Variants in ZNF175 observed in about 807,000 individuals in gnomAD.
ZNF175 encodes zinc finger protein 175, also known as zinc finger protein OTK18.
In ZNF175, 8 loss-of-function variants were observed where a neutral mutation model predicts 14.0. The observed-to-expected ratio is 0.57, with a 90% CI of 0.34 to 1.03. The LOEUF (loss-of-function observed/expected upper bound fraction) is 1.03. Ranked by LOEUF, ZNF175 falls within the 50% of genes least tolerant of loss-of-function variation. ZNF175 has a pLI of 0.03. For missense variants in ZNF175, 764 were observed against 849.5 expected, an observed-to-expected ratio of 0.90 and a Z score of 1.25; for synonymous variants, 255 against 296.8, an observed-to-expected ratio of 0.86 and a Z score of 1.45.
intron 2 of ZNF175, among the ~76,000 whole-genome samples, chr19:51,580,898 T>C (rs908167990): frequency 7.2e-5 from 11 of 152,206 alleles, no homozygotes; most frequent in African/African-American, 2.4e-4. Context: ...TACTCCTAGG[T>C]AGAATTTGCC....
At chr19:51,581,272 T>G in intron 2 of ZNF175, 119 bp from the exon 3 acceptor site, 1 of 1,413,538 alleles carries the variant, frequency 7.1e-7, no homozygotes, top group Non-Finnish European at 9.8e-7. Context: ...AGGTGTTTGG[T>G]GGGAAGCCTC....
intron 2 of ZNF175, among the ~76,000 whole-genome samples, chr19:51,577,865 G>A (rs529998600): frequency 8.5e-4 from 128 of 151,236 alleles, no homozygotes; most frequent in South Asian, 7.1e-3. Context: ...GGGTTTCACC[G>A]TGTTAGCCAG....
chr19:51,575,310 G>A (rs757198744), intron 2 of ZNF175, among the ~76,000 whole-genome samples: 4 of 142,204 alleles, frequency 2.8e-5, no homozygotes. Context: ...TGCACCTCCC[G>A]GGTTAACGCC....
intron 2 of ZNF175, among the ~76,000 whole-genome samples, chr19:51,577,022 A>T (rs937318953): frequency 3.9e-5 from 6 of 152,174 alleles, no homozygotes; most frequent in Admixed American, 3.3e-4. Context: ...ATCCTGGGTG[A>T]CAGAGTGACA....
intron 2 of ZNF175, among the ~76,000 whole-genome samples, chr19:51,576,172 CAG>C: frequency 1.5e-5 from 2 of 132,820 alleles, no homozygotes; most frequent in East Asian, 4.3e-4. Context: ...TTTTTTGAGA[CAG>C]AGTTTCGCTC....
At chr19:51,580,984 G>A (rs1321842128) in intron 2 of ZNF175, among the ~76,000 whole-genome samples, 1 of 152,058 alleles carries the variant, frequency 6.6e-6, no homozygotes, top group African/African-American at 2.4e-5. Flanking sequence ...CCCTGTAGTT[G>A]AGCTTTTGTA....
chr19:51,591,434 A>G lies in ZNF175; in HGVS notation c.*2967A>G, dbSNP rs146422174. On this transcript the variant is annotated 3_prime_UTR_variant, in exon 5 of 5. Coordinates refer to ENST00000262259, the MANE Select transcript of ZNF175 (RefSeq NM_007147.4). ...TGAGGGCATGCTCACAGATCTGTGA[A>G]AAGATCTGTTGGCTCAGAGAACTAA... The G allele has an allele frequency of 7.2e-4, 110 of 152,342 alleles. No individual in the cohort carries two copies. Among genetic ancestry groups the G allele is most frequent in the African/African-American group, 2.6e-3 (110 of 41,578 alleles). 9.4% of individuals were successfully genotyped at this position (152,342 alleles called of 1,614,324 possible). A position where few individuals can be genotyped will look rare whatever the true frequency, so the allele number is the denominator to read the frequency against.
At position 51,587,089 on chromosome 19, in the gene ZNF175, A is replaced by G. The variant is rs558779435; in HGVS notation, c.758A>G (p.Lys253Arg). ...ATTCATACAGGAGAGACATTTTGCAAAGGTAACCAGTGTAGAAAAGTCTGT... is the reference window on the plus strand; with the variant it reads ...ATTCATACAGGAGAGACATTTTGCAGAGGTAACCAGTGTAGAAAAGTCTGT... ...KNIHTGETFC[K>R]GNQCRKVCGH... The change falls in exon 5 of 5, where the codon AAA becomes AGA. Residue 253 changes from lysine (K) to arginine (R), a missense_variant. Lys to Arg is a conservative substitution (Grantham distance 26). Transcript: ENST00000262259. The G allele has an allele frequency of 6.2e-6, 10 of 1,614,216 alleles. No homozygotes were observed. The Admixed American group carries it at 1.7e-4, about 27-fold the overall frequency.
chr19:51,574,734 C>T (rs1286662931), intron 2 of ZNF175, among the ~76,000 whole-genome samples: 2 of 152,144 alleles, frequency 1.3e-5, no homozygotes, highest in African/African-American at 2.4e-5. Context: ...GATGCACAAA[C>T]GTTTCTCTCA....
Position 51,589,535 on chromosome 19 carries a change from T to A in ZNF175, c.*1068T>A. The A allele has an allele frequency of 1.4e-6, 1 of 701,822 alleles. No homozygotes were observed. The highest frequency in any genetic ancestry group is 1.5e-5 in the South Asian group (1 of 67,358). 43.5% of individuals were successfully genotyped at this position (701,822 alleles called of 1,614,324 possible). A position where few individuals can be genotyped will look rare whatever the true frequency, so the allele number is the denominator to read the frequency against. On this transcript the variant is annotated 3_prime_UTR_variant, in exon 5 of 5. Coordinates refer to ENST00000262259, the MANE Select transcript of ZNF175 (RefSeq NM_007147.4). ...TTACTGATCTTTATATTACAGATTT[T>A]CTCTTCTTTTAGGATTAGCTCAGCT...
Position 51,586,895 on chromosome 19 carries a change from T to G in ZNF175, c.564T>G (p.Leu188=), listed in dbSNP as rs753168015. ...AAATGATTCGCACGAGGCCCCACCT[T>G]GCTTCTTCACAGAAACAACCTCAGA... The part of the protein sequence containing the change: ...PGKMIRTRPH[L]ASSQKQPQKC... Residue 188 remains leucine (L), a synonymous_variant, in exon 5 of 5, where the codon CTT becomes CTG. Transcript: ENST00000262259. The G allele has an allele frequency of 6.2e-7, 1 of 1,614,174 alleles. No individual in the cohort carries two copies. The highest frequency in any genetic ancestry group is 1.1e-5 in the South Asian group (1 of 91,086).
Position 51,587,639 on chromosome 19 carries a change from G to T in ZNF175, c.1308G>T (p.Leu436Phe), listed in dbSNP as rs1362603167. 1.2e-6 allele frequency: 2 copies of T among 1,614,058 alleles called. No homozygotes were observed. The highest frequency in any genetic ancestry group is 1.7e-6 in the Non-Finnish European group (2 of 1,180,022). The change falls in exon 5 of 5, where the codon TTG (leucine) becomes TTT (phenylalanine). Residue 436 changes from leucine to phenylalanine, a missense_variant. Transcript: ENST00000262259. ...KAFTQKSTLS[L>F]HQRIHSGQKS... is the part of the protein sequence containing the mutation. The stretch of plus-strand genomic sequence containing the variant: ...TTACCCAGAAGTCAACACTCAGCTT[G>T]CACCAGAGAATCCACTCAGGGCAGA...
intron 4 of ZNF175, among the ~76,000 whole-genome samples, chr19:51,585,019 C>G (rs575250348): frequency 2.4e-4 from 36 of 152,328 alleles, no homozygotes; most frequent in African/African-American, 8.7e-4. Context: ...ACCCAAACAG[C>G]TGTTTGTACA....
intron 2 of ZNF175, among the ~76,000 whole-genome samples, chr19:51,580,122 T>C (rs1981949543): frequency 6.6e-6 from 1 of 152,216 alleles, no homozygotes; most frequent in Admixed American, 6.5e-5. Context: ...CTAGACAATT[T>C]TAAGTTATAT....
chr19:51,577,716 T>C (rs181456959), intron 2 of ZNF175, among the ~76,000 whole-genome samples: 294 of 145,490 alleles, frequency 2.0e-3, no homozygotes, highest in Middle Eastern at 3.5e-3. Context: ...CAGGCTGGAG[T>C]GCAGTGGCAC....
At chr19:51,576,481 C>A (rs1267297570) in intron 2 of ZNF175, among the ~76,000 whole-genome samples, 1 of 152,042 alleles carries the variant, frequency 6.6e-6, no homozygotes, top group Admixed American at 6.6e-5. Flanking sequence ...CATAACTTTG[C>A]GAGGTACTGC....
chr19:51,575,240 G>A (rs1316886877), intron 2 of ZNF175, among the ~76,000 whole-genome samples: 5 of 126,782 alleles, frequency 3.9e-5, no homozygotes, highest in Admixed American at 8.9e-5. Flanking sequence ...TTTTTGAGAC[G>A]GAGTCTCGCT....
Position 51,588,580 on chromosome 19 carries a change from A to C in ZNF175, c.*113A>C. On this transcript the variant is annotated 3_prime_UTR_variant, in exon 5 of 5. Coordinates refer to ENST00000262259, the MANE Select transcript of ZNF175 (RefSeq NM_007147.4). ...TATGTTATTGAATTCATGCTTCAGAAAAACTCTAGGGATGCACTGCATGTG... is the reference window on the plus strand; with the variant it reads ...TATGTTATTGAATTCATGCTTCAGACAAACTCTAGGGATGCACTGCATGTG... 3 of 1,260,502 alleles carry C rather than the reference A, an allele frequency of 2.4e-6. No homozygotes were observed. The South Asian group carries it at 5.0e-5, about 21-fold the overall frequency. 78.1% of individuals were successfully genotyped at this position (1,260,502 alleles called of 1,614,324 possible).
chr19:51,571,657 T>C (rs73562612), intron 1 of ZNF175, among the ~76,000 whole-genome samples, 182 bp downstream of exon 1: 4,521 of 152,270 alleles, frequency 0.03, 218 homozygotes, highest in African/African-American at 0.1. Context: ...TACTTTAATA[T>C]CGGATTTTAT....
Sources: gnomAD v4.1 joint callset for allele counts (sites outside exome capture counted in the v4.1 genomes callset) on GRCh38, gnomAD v4.1.1 for gene constraint, MANE v1.5 for transcripts, NCBI Gene and HGNC (gene_info 2026-07-23, HGNC 2026-07-21) for gene names.